The following TENM2 variants were observed in gnomAD, a reference collection of about 807,000 sequenced individuals.
The protein encoded by TENM2 is teneurin-2.
In TENM2, 52 loss-of-function variants were observed where a neutral mutation model predicts 245.2. That is an observed-to-expected ratio of 0.21 (90% CI 0.17 to 0.27). The LOEUF is 0.27. Ranked by LOEUF, TENM2 falls within the 10% of genes least tolerant of loss-of-function variation. TENM2 has a pLI of 1.00. For missense variants in TENM2, 3,046 were observed against 3,666.8 expected (o/e 0.83, Z 4.37); for synonymous variants, 1,363 against 1,438.9 (o/e 0.95, Z 1.19).
the TENM2 span, among the ~76,000 whole-genome samples, chr5:167,092,548 G>A: frequency 1.3e-5 from 2 of 152,098 alleles, no homozygotes; most frequent in Non-Finnish European, 2.9e-5. Flanking sequence ...TTTGGGCCAC[G>A]GATTATGCTA....
At chr5:167,146,522 G>C in the TENM2 span, among the ~76,000 whole-genome samples, 1 of 152,128 alleles carries the variant, frequency 6.6e-6, no homozygotes, top group Non-Finnish European at 1.5e-5. Context: ...ACTCTGCGGA[G>C]TGGAAATGAA....
chr5:167,977,378 C>T (rs183116133), intron 4 of TENM2, among the ~76,000 whole-genome samples: 11 of 152,166 alleles, frequency 7.2e-5, no homozygotes, highest in East Asian at 1.9e-4. Flanking sequence ...TAAAATAAGA[C>T]GAGTGATTAT....
At chr5:167,688,943 AT>A (rs200048248) in intron 2 of TENM2, among the ~76,000 whole-genome samples, 4,761 of 151,642 alleles carry the variant, frequency 0.031, 182 homozygotes, top group African/African-American at 0.081. Context: ...CTGACAGAAC[AT>A]TTTTTTTTCT....
chr5:168,122,625 G>C (rs1456449024), intron 10 of TENM2, among the ~76,000 whole-genome samples: 1 of 152,058 alleles, frequency 6.6e-6, no homozygotes, highest in East Asian at 1.9e-4. Context: ...CAACTGTAAA[G>C]TGATAATAAC....
At chr5:167,541,147 G>A (rs1309015697) in intron 2 of TENM2, among the ~76,000 whole-genome samples, 3 of 152,128 alleles carry the variant, frequency 2.0e-5, no homozygotes, top group Non-Finnish European at 2.9e-5. Context: ...GTCCCCAAAT[G>A]CCCTTAAGCA....
At chr5:168,103,023 C>T (rs890791497) in intron 9 of TENM2, among the ~76,000 whole-genome samples, 1 of 151,956 alleles carries the variant, frequency 6.6e-6, no homozygotes, top group African/African-American at 2.4e-5. Flanking sequence ...AATGCTATCC[C>T]TCCCCGCCTC....
the TENM2 span, among the ~76,000 whole-genome samples, chr5:167,256,854 A>G: frequency 6.6e-6 from 1 of 152,134 alleles, no homozygotes; most frequent in Non-Finnish European, 1.5e-5. Context: ...GAAAAGAGAA[A>G]GTGGGGTAGC....
At chr5:167,134,719 T>C in the TENM2 span, among the ~76,000 whole-genome samples, 1 of 152,214 alleles carries the variant, frequency 6.6e-6, no homozygotes, top group Non-Finnish European at 1.5e-5. Context: ...ACAGTTCTCG[T>C]TGGACAGAGC....
intron 5 of TENM2, among the ~76,000 whole-genome samples, chr5:168,024,246 C>T (rs938888426): frequency 2.0e-5 from 3 of 152,094 alleles, no homozygotes; most frequent in Non-Finnish European, 4.4e-5. Flanking sequence ...TTCCGATTGT[C>T]GCACCTATGC....
intron 1 of TENM2, among the ~76,000 whole-genome samples, chr5:167,371,136 G>C (rs1760395026): frequency 6.6e-6 from 1 of 152,202 alleles, no homozygotes; most frequent in South Asian, 2.1e-4. Context: ...GGAAAACTGG[G>C]TATGGTATGA....
intron 3 of TENM2, among the ~76,000 whole-genome samples, chr5:167,925,209 A>G (rs1777659557): frequency 6.6e-6 from 1 of 152,244 alleles, no homozygotes; most frequent in South Asian, 2.1e-4. Context: ...GGAATAATCT[A>G]CTGACAACTC....
At chr5:167,722,219 G>T (rs913794820) in intron 2 of TENM2, among the ~76,000 whole-genome samples, 3 of 152,180 alleles carry the variant, frequency 2.0e-5, no homozygotes, top group Admixed American at 6.5e-5. Flanking sequence ...GTGTCAGCAA[G>T]CATGTGCCTG....
chr5:168,246,681 G>A, intron 26 of TENM2, 76 bp from the exon 29 acceptor site: 1 of 1,400,262 alleles, frequency 7.1e-7, no homozygotes. Context: ...TGGGGAAATG[G>A]ACTAAATTCT....
the TENM2 span, among the ~76,000 whole-genome samples, chr5:166,993,419 A>G: frequency 1.6e-4 from 24 of 152,316 alleles, no homozygotes; most frequent in African/African-American, 5.8e-4. Flanking sequence ...AGCTGCACCT[A>G]GGAGGGTGAG....
chr5:167,616,436 G>T (rs988766199), intron 2 of TENM2, among the ~76,000 whole-genome samples: 8 of 151,992 alleles, frequency 5.3e-5, no homozygotes, highest in Admixed American at 5.2e-4. Context: ...GATTAGGAAT[G>T]GATTAAAGGA....
chr5:167,118,450 G>A, the TENM2 span, among the ~76,000 whole-genome samples: 1 of 152,200 alleles, frequency 6.6e-6, no homozygotes, highest in Non-Finnish European at 1.5e-5. Flanking sequence ...GAATGATCTC[G>A]TAGGGATAGT....
At chr5:167,335,731 T>C (rs1415968189) in intron 1 of TENM2, among the ~76,000 whole-genome samples, 1 of 152,178 alleles carries the variant, frequency 6.6e-6, no homozygotes, top group Non-Finnish European at 1.5e-5. Context: ...TCAAAATCCA[T>C]CCCAGCTATT....
chr5:167,449,872 C>T (rs575254276), intron 2 of TENM2, among the ~76,000 whole-genome samples: 3 of 152,192 alleles, frequency 2.0e-5, no homozygotes, highest in African/African-American at 7.2e-5. Flanking sequence ...GCAGGAGAAT[C>T]GCTTGAACCT....
At position 167,495,244 on chromosome 5, in the gene TENM2, G is replaced by GTT. The variant is rs58976192; in HGVS notation, c.502+119782_502+119783dup. Among the ~76,000 whole-genome samples, 574 of 143,154 alleles carry GTT rather than the reference G, an allele frequency of 4.0e-3. 5 individuals carry two copies. The highest frequency in any genetic ancestry group is 0.013 in the African/African-American group (491 of 39,130). 93.9% of individuals were successfully genotyped at this position (143,154 alleles called of 152,430 possible). On this transcript the variant is annotated intron_variant, in intron 2 of 28. Transcript: ENST00000518659. ...TAATGTTTTTTTTGTTTTGTTTTTT[G>GTT]TTTTTTTTTTTTGCATATTGAGACT...
Sources: allele counts gnomAD v4.1 joint callset (sites outside exome capture counted in the v4.1 genomes callset), GRCh38; gene constraint gnomAD v4.1.1; transcripts MANE v1.5; gene names NCBI Gene and HGNC (gene_info 2026-07-23, HGNC 2026-07-21).